Variants in LRMDA observed in about 807,000 individuals in gnomAD.
LRMDA encodes the protein leucine-rich melanocyte differentiation-associated protein.
In LRMDA, 18 loss-of-function variants were observed where a neutral mutation model predicts 29.8. The ratio of observed to expected loss-of-function variants is 0.60; its 90% confidence interval spans 0.42 to 0.90. The LOEUF (loss-of-function observed/expected upper bound fraction) is 0.90. LRMDA is among the 40% of genes least tolerant of loss of function. The pLI is 0.00. For synonymous variants in LRMDA, 125 were observed against 109.4 expected (o/e 1.14, Z -0.89); for missense variants, 273 against 273.9 (o/e 1.00, Z 0.02).
At chr10:76,021,350 A>G (rs1311906146) in intron 2 of LRMDA, among the ~76,000 whole-genome samples, 1 of 152,216 alleles carries the variant, frequency 6.6e-6, no homozygotes, top group Non-Finnish European at 1.5e-5. Context: ...ATCTTTCTGC[A>G]GATCTTGGCA....
rs1272914604 is a variant in LRMDA at position 76,018,155 on chromosome 10, A to G, written c.132-17853A>G. ...AGGAAGCAGAGCAGTTTGCCCGACA[A>G]TAGACAGAGCAAAAGTCTTATCCTC... On this transcript the variant is annotated intron_variant, in intron 2 of 6. Coordinates refer to ENST00000611255, the MANE Select transcript of LRMDA (RefSeq NM_001305581.2). Among the ~76,000 whole-genome samples the G allele has an allele frequency of 2.0e-5, 3 of 152,208 alleles. No individual in the cohort carries two copies. In the East Asian group the frequency reaches 5.8e-4, roughly 29 times the overall value.
At position 75,808,949 on chromosome 10, in the gene LRMDA, C is replaced by A. The variant is rs535679741; in HGVS notation, c.132-227059C>A. 2.4e-3 allele frequency among the ~76,000 whole-genome samples: 372 copies of A among 152,324 alleles called. 1 individual carries two copies. Among genetic ancestry groups the A allele is most frequent in the Middle Eastern group, 0.014 (4 of 294 alleles). ...TGACTGACTCTGCTCTGCACAGAAG[C>A]CCCTGGGCCAGAATGTCTCACCTGC... On this transcript the variant is annotated intron_variant, in intron 2 of 6. Coordinates refer to ENST00000611255, the MANE Select transcript of LRMDA (RefSeq NM_001305581.2).
At chr10:75,890,146 C>A (rs1002553897) in intron 2 of LRMDA, among the ~76,000 whole-genome samples, 7 of 152,124 alleles carry the variant, frequency 4.6e-5, no homozygotes, top group Non-Finnish European at 1.0e-4. Context: ...AGGGACATTG[C>A]AAAAGGAGAG....
intron 5 of LRMDA, among the ~76,000 whole-genome samples, chr10:76,180,220 G>A (rs929846801): frequency 3.3e-5 from 5 of 151,024 alleles, no homozygotes; most frequent in Non-Finnish European, 1.5e-5. Flanking sequence ...AAAGACTCCT[G>A]TGAGCCCAGT....
intron 6 of LRMDA, among the ~76,000 whole-genome samples, chr10:76,495,369 A>T (rs1052266494): frequency 6.6e-6 from 1 of 151,846 alleles, no homozygotes; most frequent in Non-Finnish European, 1.5e-5. Flanking sequence ...TCATTGATTA[A>T]TGTATCTATC....
chr10:76,192,767 T>C (rs1851268123), intron 5 of LRMDA, among the ~76,000 whole-genome samples: 1 of 152,212 alleles, frequency 6.6e-6, no homozygotes, highest in South Asian at 2.1e-4. Context: ...CTTGGAACTC[T>C]TTGTAGTCAT....
chr10:76,312,475 C>T (rs1840641113), intron 5 of LRMDA, among the ~76,000 whole-genome samples: 1 of 152,008 alleles, frequency 6.6e-6, no homozygotes. Context: ...CAGAACTTGA[C>T]CCGTAGCCCT....
intron 6 of LRMDA, among the ~76,000 whole-genome samples, chr10:76,485,058 G>A (rs1310909775): frequency 6.6e-6 from 1 of 151,732 alleles, no homozygotes; most frequent in Non-Finnish European, 1.5e-5. Context: ...TAGACCACAT[G>A]TAATTGGGTC....
chr10:75,657,574 A>C (rs1338666625), intron 2 of LRMDA, among the ~76,000 whole-genome samples: 1 of 152,126 alleles, frequency 6.6e-6, no homozygotes, highest in Non-Finnish European at 1.5e-5. Context: ...GGGTTACATA[A>C]CTGCTTTCTC....
chr10:75,847,745 CAT>C (rs951106700), intron 2 of LRMDA, among the ~76,000 whole-genome samples: 17 of 152,076 alleles, frequency 1.1e-4, no homozygotes, highest in African/African-American at 3.9e-4. Flanking sequence ...GAAAATATCA[CAT>C]GATTCAACAT....
At chr10:76,420,412 T>C (rs1842060754) in intron 6 of LRMDA, among the ~76,000 whole-genome samples, 1 of 152,036 alleles carries the variant, frequency 6.6e-6, no homozygotes, top group Non-Finnish European at 1.5e-5. Context: ...TGTAATTTGG[T>C]ACCTTTTCTA....
intron 6 of LRMDA, among the ~76,000 whole-genome samples, chr10:76,387,051 G>C (rs995251248): frequency 6.6e-6 from 1 of 152,122 alleles, no homozygotes; most frequent in Admixed American, 6.5e-5. Context: ...ATAAATGTTA[G>C]GGCACAATGA....
At chr10:75,747,384 A>G (rs1444851810) in intron 2 of LRMDA, among the ~76,000 whole-genome samples, 1 of 152,210 alleles carries the variant, frequency 6.6e-6, no homozygotes, top group Non-Finnish European at 1.5e-5. Flanking sequence ...CATTGGAAAC[A>G]CTCAGGAAAG....
At chr10:76,484,718 CAGAT>C (rs1270060869) in intron 6 of LRMDA, among the ~76,000 whole-genome samples, 1 of 152,028 alleles carries the variant, frequency 6.6e-6, no homozygotes, top group African/African-American at 2.4e-5. Flanking sequence ...ATGTCATACA[CAGAT>C]AGAGACATAT....
intron 6 of LRMDA, among the ~76,000 whole-genome samples, chr10:76,367,491 C>T (rs929552255): frequency 1.3e-5 from 2 of 151,688 alleles, no homozygotes; most frequent in Non-Finnish European, 2.9e-5. Flanking sequence ...ATGGCATGAT[C>T]TCAGCTCACC....
At chr10:75,713,393 A>G (rs1284515520) in intron 2 of LRMDA, among the ~76,000 whole-genome samples, 1 of 152,242 alleles carries the variant, frequency 6.6e-6, no homozygotes, top group Non-Finnish European at 1.5e-5. Flanking sequence ...AAAACAGCAG[A>G]AGATAAATTA....
At chr10:75,598,124 T>C (rs1840822095) in intron 2 of LRMDA, among the ~76,000 whole-genome samples, 1 of 152,234 alleles carries the variant, frequency 6.6e-6, no homozygotes. Context: ...CTGTTTATTG[T>C]CTTTTAAATG....
intron 6 of LRMDA, among the ~76,000 whole-genome samples, chr10:76,355,431 G>T (rs980433906): frequency 1.3e-5 from 2 of 152,134 alleles, no homozygotes; most frequent in African/African-American, 4.8e-5. Flanking sequence ...TTCAATATGA[G>T]AATGGATTAA....
chr10:76,438,303 T>C (rs1842265891), intron 6 of LRMDA, among the ~76,000 whole-genome samples: 1 of 152,170 alleles, frequency 6.6e-6, no homozygotes, highest in South Asian at 2.1e-4. Flanking sequence ...CCCCAAAGAA[T>C]CCGTTATTTG....
Sources: allele counts gnomAD v4.1 joint callset (sites outside exome capture counted in the v4.1 genomes callset), GRCh38; gene constraint gnomAD v4.1.1; transcripts MANE v1.5; gene names NCBI Gene and HGNC (gene_info 2026-07-23, HGNC 2026-07-21).